OAS1: variants seen among roughly 807,000 people sequenced by gnomAD.
OAS1 encodes 2'-5'-oligoadenylate synthase 1.
OAS1 carries 24 observed loss-of-function variants against 38.5 expected under a neutral mutation model. The observed-to-expected ratio is 0.62, with a 90% CI of 0.45 to 0.88. The LOEUF is 0.88. Ranked by LOEUF, OAS1 falls within the 40% of genes least tolerant of loss-of-function variation. OAS1 has a pLI of 0.00. For synonymous variants in OAS1, 169 were observed against 193.9 expected (o/e 0.87, Z 1.07); for missense variants, 482 against 493.9 (o/e 0.98, Z 0.23).
rs554560662 is a variant in OAS1, at chr12:112,911,867, A to G, written c.654+632A>G. Among the ~76,000 whole-genome samples, 8 of 152,336 alleles carry G rather than the reference A, an allele frequency of 5.3e-5. No individual in the cohort carries two copies. In the East Asian group the frequency reaches 1.3e-3, roughly 26 times the overall value. On this transcript the variant is annotated intron_variant, in intron 3 of 5. Coordinates refer to ENST00000202917, the MANE Select transcript of OAS1 (RefSeq NM_016816.4). Reference sequence around the variant, plus strand: ...AGCTTATCTATGTTTTGTGGATGTGATACAATTTTCTGTTCACTTTTAAAT... The same window carrying G: ...AGCTTATCTATGTTTTGTGGATGTGGTACAATTTTCTGTTCACTTTTAAAT...
chr12:112,910,964 C>A, intron 2 of OAS1, 87 bp from the exon 3 acceptor site: 1 of 1,289,910 alleles, frequency 7.8e-7, no homozygotes, highest in Non-Finnish European at 1.1e-6. Context: ...CAATCAAACC[C>A]CATGGCCAGG....
intron 5 of OAS1, chr12:112,918,885 G>T (rs1870966031): frequency 3.3e-5 from 9 of 271,692 alleles, no homozygotes; most frequent in South Asian, 2.6e-4. Context: ...GTTGCAGATG[G>T]CTAGGAAGCA....
downstream of OAS1, among the ~76,000 whole-genome samples, chr12:112,922,282 G>A (rs950910569): frequency 2.6e-5 from 4 of 152,020 alleles, no homozygotes; most frequent in Non-Finnish European, 4.4e-5. Flanking sequence ...AAACTGGGTT[G>A]GTCAGTTCCA....
At chr12:112,921,471 C>T (rs192552634), downstream of OAS1, among the ~76,000 whole-genome samples, 9 of 152,322 alleles carry the variant, frequency 5.9e-5, no homozygotes, top group Admixed American at 5.2e-4. Context: ...CACATGGCCA[C>T]GTGATCAGCC....
At chr12:112,927,776 C>T (rs4766676) in intron 6 of OAS1, among the ~76,000 whole-genome samples, 113,107 of 151,998 alleles carry the variant, frequency 0.74, 43,360 homozygotes, top group African/African-American at 0.94. Context: ...TTTTTTTTTC[C>T]GCTGTGCTAA....
In OAS1 at chr12:112,908,585, A is replaced by G; in HGVS notation, c.230A>G (p.Asp77Gly). ...GTTLRGRSDA[D>G]LVVFLSPLTT... ...ACCCTCAGAGGCCGATCTGACGCTG[A>G]CCTGGTTGTCTTCCTCAGTCCTCTC... The change falls in exon 2 of 6, where the codon GAC becomes GGC. Residue 77 changes from aspartate (D) to glycine (G), a missense_variant. By Grantham distance (94) the Asp-to-Gly change is moderately conservative (BLOSUM62 -1). Transcript: ENST00000202917. 3.1e-6 allele frequency: 5 copies of G among 1,614,078 alleles called. No homozygotes were observed. The highest frequency in any genetic ancestry group is 4.2e-6 in the Non-Finnish European group (5 of 1,179,972).
chr12:112,908,174 G>A (rs1453767326), intron 1 of OAS1, among the ~76,000 whole-genome samples: 5 of 152,098 alleles, frequency 3.3e-5, no homozygotes, highest in Admixed American at 1.3e-4. Flanking sequence ...TGTAGATTAA[G>A]TAAAATAGTA....
chr12:112,917,822 T>C, intron 5 of OAS1, 122 bp downstream of exon 5: 3 of 1,606,440 alleles, frequency 1.9e-6, no homozygotes, highest in Non-Finnish European at 2.6e-6. Flanking sequence ...TTTATATTCA[T>C]ATAGTGACAG....
chr12:112,909,438 C>T (rs1186398634), intron 2 of OAS1, among the ~76,000 whole-genome samples: 1 of 151,990 alleles, frequency 6.6e-6, no homozygotes, highest in African/African-American at 2.4e-5. Context: ...GCAGGAGGGT[C>T]GCTTGAGCCC....
chr12:112,919,557 C>T lies in OAS1; in HGVS notation c.*4C>T. 6.2e-7 allele frequency: 1 copy of T among 1,614,182 alleles called. No individual in the cohort carries two copies. The highest frequency in any genetic ancestry group is 8.5e-7 in the Non-Finnish European group (1 of 1,180,024). On this transcript the variant is annotated 3_prime_UTR_variant, in exon 6 of 6. Coordinates refer to ENST00000202917, the MANE Select transcript of OAS1 (RefSeq NM_016816.4). The stretch of plus-strand genomic sequence containing the variant: ...CTGGACCTGCACCATCCTCTGAATG[C>T]CAGTGCATCTTGGGGGAAAGGGCTC...
Position 112,908,797 on chromosome 12 carries a change from G to C in OAS1, c.442G>C (p.Asp148His). The change falls in exon 2 of 6, where the codon GAT becomes CAT. Residue 148 changes from aspartate (D) to histidine (H), a missense_variant. Transcript: ENST00000202917. ...SLQLGEGVEF[D>H]VLPAFDALGQ... The stretch of plus-strand genomic sequence containing the variant: ...CCAGCTCGGGGAGGGGGTGGAGTTC[G>C]ATGTGCTGCCTGCCTTTGATGCCCT... 1 of 1,603,126 alleles carries C rather than the reference G, an allele frequency of 6.2e-7. No individual in the cohort carries two copies. Among genetic ancestry groups the C allele is most frequent in the Non-Finnish European group, 8.5e-7 (1 of 1,172,516 alleles).
downstream of OAS1, among the ~76,000 whole-genome samples, chr12:112,922,108 AAC>A (rs2043533727): frequency 6.6e-6 from 1 of 152,154 alleles, no homozygotes; most frequent in South Asian, 2.1e-4. Flanking sequence ...TCCTCTGCCC[AAC>A]AGTCTTAGAA....
In OAS1 at chr12:112,908,601, C is replaced by T; in HGVS notation, c.246C>T (p.Leu82=). 6.2e-7 allele frequency: 1 copy of T among 1,614,206 alleles called. No individual in the cohort carries two copies. Among genetic ancestry groups the T allele is most frequent in the Non-Finnish European group, 8.5e-7 (1 of 1,180,032 alleles). Reference sequence around the variant, plus strand: ...CTGACGCTGACCTGGTTGTCTTCCTCAGTCCTCTCACCACTTTTCAGGATC... The same window carrying T: ...CTGACGCTGACCTGGTTGTCTTCCTTAGTCCTCTCACCACTTTTCAGGATC... ...GRSDADLVVF[L]SPLTTFQDQL... The change falls in exon 2 of 6, where the codon CTC becomes CTT. Residue 82 remains leucine (L), a synonymous_variant. Transcript: ENST00000202917.
At chr12:112,914,430 T>G (rs934474416) in intron 3 of OAS1, among the ~76,000 whole-genome samples, 1 of 152,252 alleles carries the variant, frequency 6.6e-6, no homozygotes, top group Non-Finnish European at 1.5e-5. Context: ...TTTTGTATAA[T>G]GACTTCTTTT....
rs2043517750 is a variant in OAS1, at chr12:112,919,853, A to T, written c.*300A>T. Reference sequence around the variant, plus strand: ...GACTTTCTTCTGTGCACCTGATGGGAGGGTAATGTCTAATGTATTATCAAT... The same window carrying T: ...GACTTTCTTCTGTGCACCTGATGGGTGGGTAATGTCTAATGTATTATCAAT... On this transcript the variant is annotated 3_prime_UTR_variant, in exon 6 of 6. Coordinates refer to ENST00000202917, the MANE Select transcript of OAS1 (RefSeq NM_016816.4). 1.1e-6 allele frequency: 1 copy of T among 902,192 alleles called. No homozygotes were observed. Among genetic ancestry groups the T allele is most frequent in the Admixed American group, 2.9e-5 (1 of 33,936 alleles). 55.9% of individuals were successfully genotyped at this position (902,192 alleles called of 1,614,324 possible).
chr12:112,916,540 A>C lies in OAS1; in HGVS notation c.686A>C (p.Gln229Pro). The change falls in exon 4 of 6, where the codon CAG becomes CCG. Residue 229 changes from glutamine to proline, a missense_variant. Coordinates refer to ENST00000202917, the MANE Select transcript of OAS1 (RefSeq NM_016816.4). ...CKKKLGKLPP[Q>P]YALELLTVYA... is the part of the protein sequence containing the mutation. ...AAGAAGCTTGGGAAGCTGCCACCTC[A>C]GTATGCCCTGGAGCTCCTGACGGTC... The C allele has an allele frequency of 6.2e-7, 1 of 1,614,172 alleles. No homozygotes were observed. Among genetic ancestry groups the C allele is most frequent in the South Asian group, 1.1e-5 (1 of 91,082 alleles).
intron 6 of OAS1, among the ~76,000 whole-genome samples, chr12:112,928,228 T>G (rs2043572504): frequency 6.6e-6 from 1 of 152,216 alleles, no homozygotes; most frequent in African/African-American, 2.4e-5. Context: ...CTTCATTCTG[T>G]GGTCAAAGGG....
Position 112,907,283 on chromosome 12 carries a change from T to TGG in OAS1, c.180+65_180+66insGG. 2.7e-6 allele frequency: 4 copies of TGG among 1,459,874 alleles called. No homozygotes were observed. The African/African-American group carries it at 5.7e-5, about 21-fold the overall frequency. 90.4% of individuals were successfully genotyped at this position (1,459,874 alleles called of 1,614,324 possible). A position where few individuals can be genotyped will look rare whatever the true frequency, so the allele number is the denominator to read the frequency against. On this transcript the variant is annotated intron_variant, in intron 1 of 5. Transcript: ENST00000202917. ...AATGTGCAAGAGTTGAGATTGAGAA[T>TGG]GAGAGAGAGAGAGAGAGAGAAGCAA...
At chr12:112,915,199 A>G (rs2043439736) in intron 3 of OAS1, among the ~76,000 whole-genome samples, 1 of 152,128 alleles carries the variant, frequency 6.6e-6, no homozygotes. Flanking sequence ...TGCCTAAGCC[A>G]ATGTGTAGGA....
Sources: gnomAD v4.1 joint callset for allele counts (sites outside exome capture counted in the v4.1 genomes callset) on GRCh38, gnomAD v4.1.1 for gene constraint, MANE v1.5 for transcripts, NCBI Gene and HGNC (gene_info 2026-07-23, HGNC 2026-07-21) for gene names.